Variants in PBRM1 observed in about 807,000 individuals in gnomAD.
PBRM1 encodes protein polybromo-1.
A neutral mutation model predicts 194.5 loss-of-function variants in PBRM1; 27 were observed. The ratio of observed to expected loss-of-function variants is 0.14; its 90% confidence interval spans 0.10 to 0.19. PBRM1 has a LOEUF of 0.19. PBRM1 is among the 10% of genes least tolerant of loss of function. PBRM1 has a pLI of 1.00. For missense variants in PBRM1, 1,466 were observed against 2,077.2 expected (o/e 0.71, Z 5.72); for synonymous variants, 655 against 693.2 (o/e 0.94, Z 0.87).
At chr3:52,658,433 T>C (rs914397824) in intron 4 of PBRM1, 118 bp from the exon 6 acceptor site, 2 of 527,838 alleles carry the variant, frequency 3.8e-6, no homozygotes, top group Non-Finnish European at 6.8e-6. Flanking sequence ...TTTTTTGAGA[T>C]GGAGAGGCTG....
intron 15 of PBRM1, among the ~76,000 whole-genome samples, chr3:52,612,197 T>C (rs893872282): frequency 7.2e-6 from 1 of 138,094 alleles, no homozygotes; most frequent in African/African-American, 2.8e-5. Flanking sequence ...GAGGCGGAGG[T>C]TGCAGTGAGC....
intron 4 of PBRM1, among the ~76,000 whole-genome samples, chr3:52,660,052 T>C (rs143236168): frequency 6.8e-4 from 103 of 152,260 alleles, no homozygotes; most frequent in East Asian, 1.2e-3. Context: ...GATCGTGCCA[T>C]TGCACTCCAG....
chr3:52,616,080 G>A lies in PBRM1; in HGVS notation c.1819-624C>T, dbSNP rs1340278481. On this transcript the variant is annotated intron_variant, in intron 14 of 29. Coordinates refer to ENST00000296302, the Ensembl canonical transcript of PBRM1. ...CCCTTGGCCACCCACCAAAGCAGAG[G>A]AGCTGAGGGAATAAGTGACCTCCCT... 4.6e-5 allele frequency among the ~76,000 whole-genome samples: 7 copies of A among 152,114 alleles called. No homozygotes were observed. The East Asian group carries it at 9.6e-4, about 21-fold the overall frequency.
chr3:52,640,986 A>C (rs182632644), intron 10 of PBRM1, among the ~76,000 whole-genome samples: 1 of 152,128 alleles, frequency 6.6e-6, no homozygotes, highest in African/African-American at 2.4e-5. Flanking sequence ...CAAGAAGATA[A>C]TATTTTTTCA....
At chr3:52,613,127 TTTTA>T (rs1323616001) in intron 15 of PBRM1, among the ~76,000 whole-genome samples, 1 of 152,120 alleles carries the variant, frequency 6.6e-6, no homozygotes, top group Non-Finnish European at 1.5e-5. Flanking sequence ...TTTATTTTAT[TTTTA>T]TTTGTTTTAT....
exon 30 of PBRM1, chr3:52,548,139 G>A: frequency 1.2e-6 from 2 of 1,610,700 alleles, no homozygotes; most frequent in Non-Finnish European, 1.7e-6. Context: ...GCGCCAGAGG[G>A]CATCTGCCAT....
At chr3:52,677,810 C>A (rs960631049) in intron 2 of PBRM1, among the ~76,000 whole-genome samples, 4 of 152,046 alleles carry the variant, frequency 2.6e-5, no homozygotes, top group African/African-American at 9.7e-5. Context: ...ATTTGCCCAC[C>A]TATAGACCTC....
chr3:52,638,217 A>C (rs1368652393), intron 10 of PBRM1, among the ~76,000 whole-genome samples: 1 of 152,126 alleles, frequency 6.6e-6, no homozygotes, highest in African/African-American at 2.4e-5. Flanking sequence ...TTTGATGTCT[A>C]GGTTATATTA....
At chr3:52,617,176 T>C in intron 14 of PBRM1, 86 bp downstream of exon 16, 1 of 1,053,036 alleles carries the variant, frequency 9.5e-7, no homozygotes, top group Non-Finnish European at 1.4e-6. Flanking sequence ...GTTAAGCCTC[T>C]AGAGCTGGTC....
At chr3:52,586,285 T>C in intron 20 of PBRM1, 140 bp downstream of exon 22, 1 of 712,986 alleles carries the variant, frequency 1.4e-6, no homozygotes, top group Non-Finnish European at 2.3e-6. Context: ...AATTTCTTTC[T>C]GTTATAGTTT....
rs1157890291 is a variant in PBRM1, at chr3:52,617,596, T to C, written c.1542-58A>G. On this transcript the variant is annotated intron_variant, in intron 13 of 29. Coordinates refer to ENST00000296302, the Ensembl canonical transcript of PBRM1. ...TAGAATAGGTTCAGTTTTCTTAATA[T>C]ACGGATGACCACAAAATAAAACAAA... The C allele has an allele frequency of 4.8e-6, 6 of 1,255,724 alleles. No homozygotes were observed. In the African/African-American group the frequency reaches 7.5e-5, roughly 16 times the overall value. The allele number at this position is 1,255,724 out of a possible 1,614,324, so 77.8% of individuals were successfully genotyped here.
intron 9 of PBRM1, among the ~76,000 whole-genome samples, chr3:52,642,926 A>T (rs982149568): frequency 1.3e-5 from 2 of 151,732 alleles, no homozygotes; most frequent in Non-Finnish European, 2.9e-5. Flanking sequence ...AGCTGGGATT[A>T]CAGGCACCCG....
chr3:52,628,800 G>T (rs979035713), intron 12 of PBRM1, 94 bp downstream of exon 13: 2 of 1,103,176 alleles, frequency 1.8e-6, no homozygotes, highest in Non-Finnish European at 1.4e-6. Context: ...GCTGAGGGTG[G>T]GGGGGATCAC....
At chr3:52,596,432 G>T (rs1466434175) in intron 17 of PBRM1, among the ~76,000 whole-genome samples, 2 of 59,474 alleles carry the variant, frequency 3.4e-5, no homozygotes, top group East Asian at 5.4e-4. Flanking sequence ...GTGAGACTCC[G>T]TCTCAAAAAA....
At position 52,595,305 on chromosome 3, in the gene PBRM1, G is replaced by A. The variant is rs2093443709; in HGVS notation, c.2780-6050C>T. Among the ~76,000 whole-genome samples the A allele has an allele frequency of 2.0e-5, 3 of 152,116 alleles. No homozygotes were observed. The South Asian group carries it at 6.2e-4, about 32-fold the overall frequency. On this transcript the variant is annotated intron_variant, in intron 17 of 29. Coordinates refer to ENST00000296302, the Ensembl canonical transcript of PBRM1. ...TTTCTAGAGGATTTTAGGGGGCCAA[G>A]GCTCAGCTCAGGACTCCTGGACTGT...
In PBRM1 at chr3:52,596,074, C is replaced by T. The variant is rs571565481; in HGVS notation, c.2780-6819G>A. On this transcript the variant is annotated intron_variant, in intron 17 of 29. Transcript: ENST00000296302. ...TATAATATAAATTGAAGTCGGGTAA[C>T]GTGATTCCTCCAGTTTTCTTTTGGC... Among the ~76,000 whole-genome samples, 65 of 152,212 alleles carry T rather than the reference C, an allele frequency of 4.3e-4. 1 individual carries two copies. The highest frequency in any genetic ancestry group is 1.5e-3 in the African/African-American group (63 of 41,536).
intron 22 of PBRM1, among the ~76,000 whole-genome samples, chr3:52,564,465 A>G (rs2084502764): frequency 6.6e-6 from 1 of 151,848 alleles, no homozygotes; most frequent in Admixed American, 6.6e-5. Flanking sequence ...ACATAGTGAG[A>G]CCCCCAAATT....
chr3:52,575,226 C>CCAAACAAA (rs71084192), intron 22 of PBRM1, among the ~76,000 whole-genome samples: 9,011 of 151,048 alleles, frequency 0.06, 372 homozygotes, highest in African/African-American at 0.11. Context: ...TTAAAACAAA[C>CCAAACAAA]CAAACAAACA....
chr3:52,664,057 C>T (rs2096779035), intron 3 of PBRM1, among the ~76,000 whole-genome samples: 1 of 138,940 alleles, frequency 7.2e-6, no homozygotes, highest in Admixed American at 7.3e-5. Flanking sequence ...CAGACTCCGT[C>T]TCAAAAAAAA....
Sources: allele counts gnomAD v4.1 joint callset (sites outside exome capture counted in the v4.1 genomes callset), GRCh38; gene constraint gnomAD v4.1.1; transcripts MANE v1.5; gene names NCBI Gene and HGNC (gene_info 2026-07-23, HGNC 2026-07-21).